Variants in C17orf78 observed in about 807,000 individuals in gnomAD.
C17orf78 encodes the protein uncharacterized protein C17orf78.
C17orf78 carries 27 observed loss-of-function variants against 31.8 expected under a neutral mutation model. That is an observed-to-expected ratio of 0.85 (90% CI 0.63 to 1.17). The LOEUF (loss-of-function observed/expected upper bound fraction) is 1.17, where lower values mean the gene tolerates loss of function less well. C17orf78 is among the 50% of genes most tolerant of loss of function. C17orf78 has a pLI of 0.00. For synonymous variants in C17orf78, 106 were observed against 115.1 expected, an observed-to-expected ratio of 0.92 and a Z score of 0.51; for missense variants, 258 against 315.2, an observed-to-expected ratio of 0.82 and a Z score of 1.37.
At chr17:37,376,271 T>C in intron 1 of C17orf78, 121 bp downstream of exon 1, 1 of 776,004 alleles carries the variant, frequency 1.3e-6, no homozygotes, top group Non-Finnish European at 2.2e-6. Context: ...TTTCCAGAGT[T>C]AATCCCATGT....
rs1020239151 is a variant in C17orf78, at chr17:37,385,922, A to T, written c.392-87A>T. The T allele has an allele frequency of 3.5e-6, 3 of 858,666 alleles. No individual in the cohort carries two copies. In the African/African-American group the frequency reaches 5.2e-5, roughly 15 times the overall value. 53.2% of individuals were successfully genotyped at this position (858,666 alleles called of 1,614,324 possible). ...ATGGGACCACAATTGGAAGTTTACTATCAGCTGGGCAGGGTTTCATCAGAT... is the reference window on the plus strand; with the variant it reads ...ATGGGACCACAATTGGAAGTTTACTTTCAGCTGGGCAGGGTTTCATCAGAT... On this transcript the variant is annotated intron_variant, in intron 3 of 6. Transcript: ENST00000615133.
intron 3 of C17orf78, among the ~76,000 whole-genome samples, chr17:37,382,227 T>C (rs544407460): frequency 5.3e-5 from 8 of 152,208 alleles, no homozygotes; most frequent in African/African-American, 1.9e-4. Flanking sequence ...GTTGGTTCCA[T>C]TGTGCATATC....
chr17:37,388,645 T>G (rs1223072843), intron 4 of C17orf78, 25 bp from the exon 5 acceptor site: 1 of 1,607,064 alleles, frequency 6.2e-7, no homozygotes, highest in Admixed American at 1.7e-5. Context: ...CTTTTCTCCC[T>G]CTTCCACTCC....
intron 6 of C17orf78, among the ~76,000 whole-genome samples, chr17:37,390,083 G>C (rs1568094174): frequency 7.9e-6 from 1 of 126,900 alleles, no homozygotes; most frequent in African/African-American, 3.1e-5. Context: ...CTAGAGTCCA[G>C]GAGTTTGAGA....
chr17:37,390,772 A>C (rs1424137279), intron 6 of C17orf78, among the ~76,000 whole-genome samples: 1 of 151,740 alleles, frequency 6.6e-6, no homozygotes, highest in East Asian at 1.9e-4. Flanking sequence ...CAGCCTGGGA[A>C]AAAGGGTGAG....
In C17orf78 at chr17:37,392,331, A is replaced by G. The variant is rs2147815340; in HGVS notation, c.*607A>G. 1 of 152,448 alleles carries G rather than the reference A, an allele frequency of 6.6e-6. No homozygotes were observed. Among genetic ancestry groups the G allele is most frequent in the East Asian group, 1.9e-4 (1 of 5,192 alleles). 9.4% of individuals were successfully genotyped at this position (152,448 alleles called of 1,614,324 possible). A position where few individuals can be genotyped will look rare whatever the true frequency, so the allele number is the denominator to read the frequency against. On this transcript the variant is annotated 3_prime_UTR_variant, in exon 7 of 7. Transcript: ENST00000615133. Reference sequence around the variant, plus strand: ...AGTACCCAAGTGAAGTCTTCTGACGATCCAGAATTCCTAAGGTGGCTCTGA... The same window carrying G: ...AGTACCCAAGTGAAGTCTTCTGACGGTCCAGAATTCCTAAGGTGGCTCTGA...
At position 37,392,390 on chromosome 17, in the gene C17orf78, C is replaced by T. The variant is rs1475139259; in HGVS notation, c.*666C>T. 2 of 152,160 alleles carry T rather than the reference C, an allele frequency of 1.3e-5. No homozygotes were observed. Among genetic ancestry groups the T allele is most frequent in the Non-Finnish European group, 2.9e-5 (2 of 68,042 alleles). The allele number at this position is 152,160 out of a possible 1,614,324, so 9.4% of individuals were successfully genotyped here. On this transcript the variant is annotated 3_prime_UTR_variant, in exon 7 of 7. Transcript: ENST00000615133. ...CATACTTTAATAGAGAGTTGCATAC[C>T]TTTTGGACAAAGATTCCAGAGCAAA...
intron 1 of C17orf78, among the ~76,000 whole-genome samples, chr17:37,377,280 C>T (rs2050041405): frequency 6.6e-6 from 1 of 152,078 alleles, no homozygotes; most frequent in Non-Finnish European, 1.5e-5. Flanking sequence ...TCTATTTGAC[C>T]TTTCTTTGTC....
Position 37,390,324 on chromosome 17 carries a change from A to ATC in C17orf78, c.750+963_750+964insCT, listed in dbSNP as rs1268420298. Among the ~76,000 whole-genome samples the ATC allele has an allele frequency of 9.2e-3, 614 of 66,832 alleles. 125 individuals carry two copies. The highest frequency in any genetic ancestry group is 0.043 in the African/African-American group (577 of 13,380). The allele number at this position is 66,832 out of a possible 152,430, so 43.8% of individuals were successfully genotyped here. On this transcript the variant is annotated intron_variant, in intron 6 of 6. Coordinates refer to ENST00000615133, the MANE Select transcript of C17orf78 (RefSeq NM_173625.5). ...CATAATTATATATATATATATATATATATATATATAAAAGGCCAGCTGGGC... is the reference window on the plus strand; with the variant it reads ...CATAATTATATATATATATATATATATCTATATATATAAAAGGCCAGCTGGGC...
At chr17:37,386,151 A>G in intron 4 of C17orf78, 26 bp downstream of exon 4, 1 of 1,421,338 alleles carries the variant, frequency 7.0e-7, no homozygotes, top group East Asian at 2.4e-5. Context: ...TTGAAATGAC[A>G]AAGTACAGAA....
chr17:37,379,315 T>G lies in C17orf78; in HGVS notation c.324T>G (p.Ser108=). Residue 108 remains serine, a synonymous_variant, in exon 3 of 7, where the codon TCT becomes TCG. Coordinates refer to ENST00000615133, the MANE Select transcript of C17orf78 (RefSeq NM_173625.5). ...RIIAAPRRNS[S]ASSSCHLIPT... is the part of the protein sequence containing the mutation. ...TTGCTGCTCCCCGCAGAAACAGCTC[T>G]GCCTCCTCAAGCTGTCACCTAATCC... 1 of 1,613,928 alleles carries G rather than the reference T, an allele frequency of 6.2e-7. No homozygotes were observed. The highest frequency in any genetic ancestry group is 8.5e-7 in the Non-Finnish European group (1 of 1,179,802).
chr17:37,387,677 C>T (rs1344246142), intron 4 of C17orf78: 4 of 151,896 alleles, frequency 2.6e-5, no homozygotes, highest in African/African-American at 9.7e-5. Context: ...AACTCCTGAC[C>T]TCAAGTGATC....
Position 37,383,821 on chromosome 17 carries a change from G to A in C17orf78, c.392-2188G>A, listed in dbSNP as rs1473842646. Among the ~76,000 whole-genome samples the A allele has an allele frequency of 5.3e-5, 8 of 152,288 alleles. No individual in the cohort carries two copies. In the South Asian group the frequency reaches 1.5e-3, roughly 28 times the overall value. On this transcript the variant is annotated intron_variant, in intron 3 of 6. Transcript: ENST00000615133. ...CCAACTCAGCCTCCCAAAGTGCTGC[G>A]ATTATAGGCGTGAGCCACCTCACTT... is the stretch of plus-strand genomic sequence containing the variant.
intron 4 of C17orf78, chr17:37,387,771 T>C (rs552376329): frequency 6.6e-6 from 1 of 152,158 alleles, no homozygotes; most frequent in African/African-American, 2.4e-5. Flanking sequence ...TTAGCAACAG[T>C]CCTCCTTAAA....
At position 37,389,376 on chromosome 17, in the gene C17orf78, G is replaced by C; in HGVS notation, c.750+14G>C. The C allele has an allele frequency of 6.4e-7, 1 of 1,564,784 alleles. No individual in the cohort carries two copies. Among genetic ancestry groups the C allele is most frequent in the South Asian group, 1.2e-5 (1 of 84,786 alleles). The stretch of plus-strand genomic sequence containing the variant: ...CAGCCCCAGAAGGAAAGTGTTCTCT[G>C]TGTGGTTTATGTCATTTGCTTAAAG... On this transcript the variant is annotated intron_variant, in intron 6 of 6. Coordinates refer to ENST00000615133, the MANE Select transcript of C17orf78 (RefSeq NM_173625.5).
intron 3 of C17orf78, among the ~76,000 whole-genome samples, chr17:37,385,380 C>T (rs1714625): frequency 0.12 from 17,821 of 151,724 alleles, 1,230 homozygotes; most frequent in East Asian, 0.25. Context: ...GGCTGAGGCA[C>T]GAGAATCATT....
chr17:37,383,772 G>A (rs2050405978), intron 3 of C17orf78, among the ~76,000 whole-genome samples: 1 of 152,124 alleles, frequency 6.6e-6, no homozygotes, highest in Admixed American at 6.5e-5. Context: ...TCAAGCTCCT[G>A]TCCTCAAGTG....
intron 6 of C17orf78, among the ~76,000 whole-genome samples, chr17:37,390,175 T>TATATACACAC (rs60788220): frequency 9.4e-4 from 42 of 44,502 alleles, no homozygotes; most frequent in Admixed American, 1.3e-3. Flanking sequence ...TATATATATA[T>TATATACACAC]ACACACACAC....
rs764701298 is a variant in C17orf78 at position 37,379,232 on chromosome 17, C to T, written c.241C>T (p.Leu81Phe). ...LGSDSKVKVNLVYLERRPKVK... is the reference protein window; with the variant it reads ...LGSDSKVKVNFVYLERRPKVK... ...CTCTGACAGCAAAGTAAAAGTCAAC[C>T]TTGTATATTTGGAGAGAAGGCCAAA... Residue 81 changes from leucine to phenylalanine, a missense_variant, in exon 3 of 7, where the codon CTT (leucine) becomes TTT (phenylalanine). Leu to Phe is a conservative substitution (Grantham distance 22). Transcript: ENST00000615133. 1.6e-5 allele frequency: 26 copies of T among 1,613,842 alleles called. No homozygotes were observed. Among genetic ancestry groups the T allele is most frequent in the Non-Finnish European group, 1.1e-5 (13 of 1,179,894 alleles).
Sources: allele counts gnomAD v4.1 joint callset (sites outside exome capture counted in the v4.1 genomes callset), GRCh38; gene constraint gnomAD v4.1.1; transcripts MANE v1.5; gene names NCBI Gene and HGNC (gene_info 2026-07-23, HGNC 2026-07-21).